Variants in BZW2 observed in about 807,000 individuals in gnomAD.
BZW2 encodes the protein eIF5-mimic protein 1.
In BZW2, 23 loss-of-function variants were observed where a neutral mutation model predicts 53.2. The observed-to-expected ratio is 0.43, with a 90% CI of 0.31 to 0.61. BZW2 has a LOEUF of 0.61. Among genes scored for constraint, BZW2 ranks in the 20% least tolerant of loss-of-function variants. The probability of loss-of-function intolerance (pLI) is 0.09; values close to 1 mark genes in which losing one functional copy is unlikely to be tolerated. For synonymous variants in BZW2, 227 were observed against 186.4 expected, an observed-to-expected ratio of 1.22 and a Z score of -1.77; for missense variants, 409 against 503.1, an observed-to-expected ratio of 0.81 and a Z score of 1.79.
chr7:16,667,291 A>C (rs981222917), intron 2 of BZW2, among the ~76,000 whole-genome samples: 2 of 151,790 alleles, frequency 1.3e-5, no homozygotes, highest in African/African-American at 2.4e-5. Flanking sequence ...AAAAAAAAAA[A>C]ACAAAAAAAA....
At chr7:16,705,358 GATAA>G (rs923849080) in intron 11 of BZW2, among the ~76,000 whole-genome samples, 2 of 149,250 alleles carry the variant, frequency 1.3e-5, no homozygotes, top group Non-Finnish European at 3.0e-5. Context: ...ACTCCATCTC[GATAA>G]ATAAATAAAT....
intron 1 of BZW2, among the ~76,000 whole-genome samples, chr7:16,659,000 G>T (rs963231597): frequency 1.1e-4 from 16 of 150,418 alleles, no homozygotes; most frequent in Non-Finnish European, 1.5e-4. Context: ...ACAGGATCAG[G>T]TGAGGAATCC....
intron 1 of BZW2, among the ~76,000 whole-genome samples, chr7:16,665,055 T>C (rs554416576): frequency 1.4e-4 from 21 of 152,316 alleles, no homozygotes; most frequent in African/African-American, 4.3e-4. Flanking sequence ...CTCACGCCTG[T>C]AATCCCAACA....
chr7:16,682,883 A>G (rs1490526571), intron 5 of BZW2, 38 bp downstream of exon 5: 3 of 1,408,540 alleles, frequency 2.1e-6, no homozygotes, highest in Non-Finnish European at 2.9e-6. Context: ...GTTTTATAGT[A>G]ATGACATGGG....
chr7:16,704,423 T>G (rs765463080), intron 10 of BZW2, 124 bp from the exon 11 acceptor site: 30 of 1,073,542 alleles, frequency 2.8e-5, no homozygotes, highest in Non-Finnish European at 3.8e-5. Context: ...GTTCCTCTCT[T>G]CTGATAAGTA....
At chr7:16,680,933 G>A (rs1281415197) in intron 3 of BZW2, among the ~76,000 whole-genome samples, 1 of 151,936 alleles carries the variant, frequency 6.6e-6, no homozygotes, top group Non-Finnish European at 1.5e-5. Context: ...GTGAAACCCC[G>A]TCTCTACTAA....
chr7:16,667,320 C>T (rs2128355305), intron 2 of BZW2, among the ~76,000 whole-genome samples: 1 of 149,648 alleles, frequency 6.7e-6, no homozygotes, highest in South Asian at 2.1e-4. Flanking sequence ...AACTGGAACT[C>T]AATAGGGAAA....
intron 3 of BZW2, among the ~76,000 whole-genome samples, chr7:16,680,107 G>A (rs1046724254): frequency 6.6e-6 from 1 of 152,094 alleles, no homozygotes; most frequent in Non-Finnish European, 1.5e-5. Flanking sequence ...TATTCAACCA[G>A]TCATGGGTAA....
chr7:16,671,858 G>C (rs567953684), intron 2 of BZW2, among the ~76,000 whole-genome samples: 1 of 143,806 alleles, frequency 7.0e-6, no homozygotes, highest in African/African-American at 2.7e-5. Flanking sequence ...ATGAACCCAG[G>C]AGGCAGAGGT....
intron 6 of BZW2, among the ~76,000 whole-genome samples, chr7:16,689,243 A>G (rs912039316): frequency 9.9e-5 from 15 of 152,188 alleles, no homozygotes; most frequent in African/African-American, 3.6e-4. Flanking sequence ...ATAAAAATAA[A>G]AATAAATAAA....
At position 16,664,296 on chromosome 7, in the gene BZW2, A is replaced by G. The variant is rs79709886; in HGVS notation, c.-7-1141A>G. 7.9e-3 allele frequency among the ~76,000 whole-genome samples: 1,203 copies of G among 152,332 alleles called. 13 individuals are homozygous for G. The highest frequency in any genetic ancestry group is 0.027 in the African/African-American group (1,142 of 41,574). ...GAGGGTATAGACCCCAGACAAAGAG[A>G]TAATAATAAAATGGCAGGCACTGCT... On this transcript the variant is annotated intron_variant, in intron 1 of 11. Transcript: ENST00000258761.
intron 10 of BZW2, among the ~76,000 whole-genome samples, chr7:16,698,943 T>C (rs1168932009): frequency 1.3e-5 from 2 of 152,216 alleles, no homozygotes; most frequent in African/African-American, 2.4e-5. Flanking sequence ...GTTAAAATAA[T>C]ACCAGCCAAA....
chr7:16,656,263 T>C (rs756009033), intron 1 of BZW2, among the ~76,000 whole-genome samples: 2 of 152,062 alleles, frequency 1.3e-5, no homozygotes, highest in African/African-American at 4.8e-5. Context: ...GGAAAGACGT[T>C]ATCATTGATG....
chr7:16,689,747 A>T lies in BZW2; in HGVS notation c.542-50A>T, dbSNP rs73679836. 748 of 1,496,900 alleles carry T rather than the reference A, an allele frequency of 5.0e-4. 1 individual carries two copies. In the African/African-American group the frequency reaches 9.0e-3, roughly 18 times the overall value. 92.7% of individuals were successfully genotyped at this position (1,496,900 alleles called of 1,614,324 possible). A position where few individuals can be genotyped will look rare whatever the true frequency, so the allele number is the denominator to read the frequency against. ...ACCTGGTTGCTTTGCACACCATCAC[A>T]ATTGGTTTTGCTCGTAAAAGGAATG... On this transcript the variant is annotated intron_variant, in intron 6 of 11. Transcript: ENST00000258761.
At chr7:16,681,768 G>A (rs185517252) in intron 4 of BZW2, among the ~76,000 whole-genome samples, 287 of 152,288 alleles carry the variant, frequency 1.9e-3, no homozygotes, top group African/African-American at 6.5e-3. Flanking sequence ...GAAGGCGGAG[G>A]TTGCAGTGAG....
At chr7:16,667,279 C>T (rs76266877) in intron 2 of BZW2, among the ~76,000 whole-genome samples, 1 of 60,312 alleles carries the variant, frequency 1.7e-5, no homozygotes, top group African/African-American at 5.0e-5. Context: ...AGCTCCATCT[C>T]AAAAAAAAAA....
At chr7:16,663,588 G>A (rs1782331668) in intron 1 of BZW2, among the ~76,000 whole-genome samples, 1 of 151,782 alleles carries the variant, frequency 6.6e-6, no homozygotes, top group African/African-American at 2.4e-5. Context: ...ATTTTTTCAT[G>A]TTCTTAAGGA....
intron 7 of BZW2, among the ~76,000 whole-genome samples, chr7:16,693,039 A>G (rs1233125167): frequency 6.6e-6 from 1 of 152,194 alleles, no homozygotes; most frequent in Non-Finnish European, 1.5e-5. Flanking sequence ...AGCAAGGCCC[A>G]TATCATCTAG....
chr7:16,699,099 A>G (rs1450611023), intron 10 of BZW2, among the ~76,000 whole-genome samples: 2 of 152,220 alleles, frequency 1.3e-5, no homozygotes, highest in Non-Finnish European at 2.9e-5. Context: ...GGCCACGTAG[A>G]TTCCTCAAAT....
Sources: allele counts gnomAD v4.1 joint callset (sites outside exome capture counted in the v4.1 genomes callset), GRCh38; gene constraint gnomAD v4.1.1; transcripts MANE v1.5; gene names NCBI Gene and HGNC (gene_info 2026-07-23, HGNC 2026-07-21).